Variants in ZBTB26 observed in about 807,000 individuals in gnomAD.
ZBTB26 encodes zinc finger and BTB domain containing 26.
A neutral mutation model predicts 31.6 loss-of-function variants in ZBTB26; 12 were observed. The observed-to-expected ratio is 0.38, with a 90% CI of 0.24 to 0.61. The LOEUF is 0.61. Ranked by LOEUF, ZBTB26 falls within the 20% of genes least tolerant of loss-of-function variation. The pLI is 0.60. For missense variants in ZBTB26, 311 were observed against 521.9 expected (o/e 0.60, Z 3.94); for synonymous variants, 155 against 182.9 (o/e 0.85, Z 1.23).
chr9:122,926,275 G>A (rs1047474992), intron 1 of ZBTB26, among the ~76,000 whole-genome samples: 1 of 151,906 alleles, frequency 6.6e-6, no homozygotes, highest in African/African-American at 2.4e-5. Flanking sequence ...AGCACTTTGG[G>A]AGGCCGAGGT....
chr9:122,924,172 A>G (rs2131539523), intron 1 of ZBTB26, among the ~76,000 whole-genome samples: 1 of 152,352 alleles, frequency 6.6e-6, no homozygotes, highest in African/African-American at 2.4e-5. Flanking sequence ...CAAGAAAATT[A>G]TCAACAACAG....
chr9:122,924,513 A>C (rs1282792346), intron 1 of ZBTB26, among the ~76,000 whole-genome samples: 1 of 152,166 alleles, frequency 6.6e-6, no homozygotes, highest in Non-Finnish European at 1.5e-5. Flanking sequence ...GCTATGGTAC[A>C]GATGCTCTTC....
intron 1 of ZBTB26, among the ~76,000 whole-genome samples, chr9:122,922,792 A>G (rs1254688832): frequency 6.6e-6 from 1 of 152,242 alleles, no homozygotes; most frequent in African/African-American, 2.4e-5. Context: ...AAAATAACAA[A>G]AGATATTTCA....
In ZBTB26 at chr9:122,931,447, G is replaced by C. The variant is rs537418411; in HGVS notation, c.-21C>G. On this transcript the variant is annotated 5_prime_UTR_variant, in exon 1 of 2. Coordinates refer to ENST00000373656, the MANE Select transcript of ZBTB26 (RefSeq NM_020924.4). ...CGTCTCCGCACTTACAGACCCGGGG[G>C]AAGGCCGCCGTCAGGATCCGGCACC... 9 of 152,814 alleles carry C rather than the reference G, an allele frequency of 5.9e-5. No individual in the cohort carries two copies. In the East Asian group the frequency reaches 1.7e-3, roughly 30 times the overall value. 9.5% of individuals were successfully genotyped at this position (152,814 alleles called of 1,614,324 possible).
chr9:122,924,615 C>CTTTT lies in ZBTB26; in HGVS notation c.-10-4672_-10-4671insAAAA, dbSNP rs1554778683. Among the ~76,000 whole-genome samples the CTTTT allele has an allele frequency of 6.4e-4, 6 of 9,366 alleles. 3 individuals are homozygous for CTTTT. Among genetic ancestry groups the CTTTT allele is most frequent in the Non-Finnish European group, 1.3e-3 (2 of 1,558 alleles). The allele number at this position is 9,366 out of a possible 152,430, so 6.1% of individuals were successfully genotyped here. On this transcript the variant is annotated intron_variant, in intron 1 of 1. Transcript: ENST00000373656. ...TTGGCAATATAAAACCAAATTTCAA[C>CTTTT]TTTCTTTTTTTTTTTTTTTTTTGAG...
At chr9:122,929,735 G>A (rs1033052080) in intron 1 of ZBTB26, among the ~76,000 whole-genome samples, 3 of 152,044 alleles carry the variant, frequency 2.0e-5, no homozygotes, top group African/African-American at 7.2e-5. Flanking sequence ...ACCAGCTGAG[G>A]TACCTAATAT....
chr9:122,916,995 C>T lies in ZBTB26; in HGVS notation c.*1614G>A, dbSNP rs1187542836. 1.3e-5 allele frequency: 2 copies of T among 152,212 alleles called. No homozygotes were observed. The highest frequency in any genetic ancestry group is 3.8e-4 in the East Asian group (2 of 5,206). The allele number at this position is 152,212 out of a possible 1,614,324, so 9.4% of individuals were successfully genotyped here. On this transcript the variant is annotated 3_prime_UTR_variant, in exon 2 of 2. Transcript: ENST00000373656. ...AAATCAACTTCGCATTTAGATTCTT[C>T]TCACATTATTCTTGCTTTTTCCCTC...
At chr9:122,926,569 A>C (rs1833184874) in intron 1 of ZBTB26, among the ~76,000 whole-genome samples, 1 of 152,250 alleles carries the variant, frequency 6.6e-6, no homozygotes, top group Non-Finnish European at 1.5e-5. Context: ...TCAGTATCAC[A>C]AACACAGGCC....
In ZBTB26 at chr9:122,919,020, C is replaced by G; in HGVS notation, c.915G>C (p.Lys305Asn). 1 of 1,614,212 alleles carries G rather than the reference C, an allele frequency of 6.2e-7. No individual in the cohort carries two copies. The highest frequency in any genetic ancestry group is 8.5e-7 in the Non-Finnish European group (1 of 1,180,052). Residue 305 changes from lysine to asparagine, a missense_variant, in exon 2 of 2, where the codon AAG becomes AAC. Physicochemically the swap from Lys to Asn is moderately conservative, Grantham distance 94 (BLOSUM62 0). Coordinates refer to ENST00000373656, the MANE Select transcript of ZBTB26 (RefSeq NM_020924.4). This position sits in a 1 kb window ranked among gnomAD's most constrained non-coding sequence, Gnocchi z 6.1. ...GAAGGTTGCCTTTCTGAGTGAAAGTCTTGCCGCAGAGTAGACACATAAAGA... is the reference window on the plus strand; with the variant it reads ...GAAGGTTGCCTTTCTGAGTGAAAGTGTTGCCGCAGAGTAGACACATAAAGA... Reference protein sequence around the residue: ...HKLFMCLLCGKTFTQKGNLHR... With the variant: ...HKLFMCLLCGNTFTQKGNLHR...
chr9:122,926,709 T>C (rs1833187581), intron 1 of ZBTB26, among the ~76,000 whole-genome samples: 1 of 152,224 alleles, frequency 6.6e-6, no homozygotes, highest in Non-Finnish European at 1.5e-5. Flanking sequence ...AAGACTTAAA[T>C]GGCAAGCATA....
At chr9:122,925,771 T>TG (rs1311007584) in intron 1 of ZBTB26, among the ~76,000 whole-genome samples, 1 of 146,174 alleles carries the variant, frequency 6.8e-6, no homozygotes, top group East Asian at 2.0e-4. Flanking sequence ...GCTAATTTTT[T>TG]TTTTTTTTTT....
In ZBTB26 at chr9:122,918,451, T is replaced by C; in HGVS notation, c.*158A>G. 2 of 1,107,968 alleles carry C rather than the reference T, an allele frequency of 1.8e-6. No individual in the cohort carries two copies. Among genetic ancestry groups the C allele is most frequent in the South Asian group, 3.4e-5 (2 of 58,904 alleles). 68.6% of individuals were successfully genotyped at this position (1,107,968 alleles called of 1,614,324 possible). ...GAGGGCAAAAGTAAGGCAAATCCAC[T>C]CCAAGTGGTAAGTTGCCTGGTCTAT... is the stretch of plus-strand genomic sequence containing the variant. On this transcript the variant is annotated 3_prime_UTR_variant, in exon 2 of 2. Transcript: ENST00000373656.
intron 1 of ZBTB26, among the ~76,000 whole-genome samples, chr9:122,929,009 T>C (rs959989702): frequency 6.6e-6 from 1 of 152,206 alleles, no homozygotes; most frequent in Non-Finnish European, 1.5e-5. Context: ...ATGGGCTTGG[T>C]GACCAATGTG....
At chr9:122,925,349 G>C (rs1226756698) in intron 1 of ZBTB26, among the ~76,000 whole-genome samples, 1 of 152,108 alleles carries the variant, frequency 6.6e-6, no homozygotes, top group Non-Finnish European at 1.5e-5. Flanking sequence ...TCGTCTGGGT[G>C]AAAGAGCCAG....
intron 1 of ZBTB26, among the ~76,000 whole-genome samples, chr9:122,925,005 TA>T (rs1476996375): frequency 6.6e-6 from 1 of 152,198 alleles, no homozygotes; most frequent in Non-Finnish European, 1.5e-5. Flanking sequence ...TGAACCATCT[TA>T]ATTTTATTTA....
At chr9:122,930,485 T>C (rs1482653850) in intron 1 of ZBTB26, among the ~76,000 whole-genome samples, 2 of 152,208 alleles carry the variant, frequency 1.3e-5, no homozygotes, top group Non-Finnish European at 2.9e-5. Context: ...TTCCTAACTT[T>C]TAGCTAAATG....
chr9:122,929,148 G>T (rs1204213537), intron 1 of ZBTB26, among the ~76,000 whole-genome samples: 1 of 152,182 alleles, frequency 6.6e-6, no homozygotes, highest in Non-Finnish European at 1.5e-5. Flanking sequence ...AGAGAAGCCT[G>T]CATGACATCA....
chr9:122,919,942 G>T lies in ZBTB26; in HGVS notation c.-8C>A. 1 of 1,556,372 alleles carries T rather than the reference G, an allele frequency of 6.4e-7. No individual in the cohort carries two copies. Among genetic ancestry groups the T allele is most frequent in the South Asian group, 1.3e-5 (1 of 79,702 alleles). On this transcript the variant is annotated splice_region_variant and 5_prime_UTR_variant, in exon 2 of 2. The change creates a new upstream start codon in the 5' untranslated region. Transcript: ENST00000373656. The surrounding 1 kb of genome is among the most constrained non-coding windows in gnomAD (Gnocchi z 6.1). ...ATCTGATCTTTCAGACATTTTGGCA[G>T]ACCTAAAGAACAGAAATGTAAAAAG...
chr9:122,918,348 T>C lies in ZBTB26; in HGVS notation c.*261A>G. On this transcript the variant is annotated 3_prime_UTR_variant, in exon 2 of 2. Transcript: ENST00000373656. The stretch of plus-strand genomic sequence containing the variant: ...GTCAGTCTAAGACATAAGTCAATGT[T>C]AGGTAGACAAAAGGAATTATTCCTT... 1 of 455,926 alleles carries C rather than the reference T, an allele frequency of 2.2e-6. No individual in the cohort carries two copies. The highest frequency in any genetic ancestry group is 3.9e-6 in the Non-Finnish European group (1 of 257,014). The allele number at this position is 455,926 out of a possible 1,614,324, so 28.2% of individuals were successfully genotyped here. A position where few individuals can be genotyped will look rare whatever the true frequency, so the allele number is the denominator to read the frequency against.
Sources: gnomAD v4.1 joint callset for allele counts (sites outside exome capture counted in the v4.1 genomes callset) on GRCh38, gnomAD v4.1.1 for gene constraint, Gnocchi (gnomAD v3.1) non-coding constraint, MANE v1.5 for transcripts, NCBI Gene and HGNC (gene_info 2026-07-23, HGNC 2026-07-21) for gene names.